The following SYNE2 variants were observed in gnomAD, a reference collection of about 807,000 sequenced individuals.
SYNE2 encodes the protein nesprin-2.
Under a neutral mutation model 856.3 loss-of-function variants are expected in SYNE2, and 431 were observed. That is an observed-to-expected ratio of 0.50 (90% CI 0.47 to 0.55). The LOEUF (loss-of-function observed/expected upper bound fraction) is 0.55. Ranked by LOEUF, SYNE2 falls within the 20% of genes least tolerant of loss-of-function variation. The pLI, the probability that SYNE2 is intolerant of heterozygous loss-of-function variation, is 0.00. For missense variants in SYNE2, 8,129 were observed against 8,023.2 expected, an observed-to-expected ratio of 1.01 and a Z score of -0.50; for synonymous variants, 2,923 against 2,872.3, an observed-to-expected ratio of 1.02 and a Z score of -0.56.
At chr14:64,162,598 C>T in intron 88 of SYNE2, 1 of 395,488 alleles carries the variant, frequency 2.5e-6, no homozygotes, top group Non-Finnish European at 4.8e-6. Context: ...TGAGTGTGAC[C>T]CTGTAAGAAT....
chr14:63,969,218 A>G (rs960125762), intron 11 of SYNE2, among the ~76,000 whole-genome samples: 6 of 143,214 alleles, frequency 4.2e-5, no homozygotes, highest in African/African-American at 1.6e-4. Flanking sequence ...TGCCCAGGCT[A>G]GAGTGCAATG....
Position 64,119,549 on chromosome 14 carries a change from A to T in SYNE2, c.12963A>T (p.Thr4321=), listed in dbSNP as rs1244992749. 6.2e-7 allele frequency: 1 copy of T among 1,614,120 alleles called. No homozygotes were observed. The highest frequency in any genetic ancestry group is 1.3e-5 in the African/African-American group (1 of 74,948). Residue 4321 remains threonine (T), a synonymous_variant, in exon 67 of 116, where the codon ACA becomes ACT. Coordinates refer to ENST00000555002, the MANE Select transcript of SYNE2 (RefSeq NM_182914.3). ...AAGCGCTTTCCCTGAAACTGAAAAC[A>T]GTGAAGTGCAATTTAGAAAAAGTCC... ...EAEALSLKLK[T]VKCNLEKVQM...
Position 64,002,834 on chromosome 14 carries a change from A to G in SYNE2, c.3901A>G (p.Ile1301Val). The change falls in exon 30 of 116, where the codon ATA becomes GTA. Residue 1301 changes from isoleucine to valine, a missense_variant. By Grantham distance (29) the Ile-to-Val change is conservative. Around this residue, in one of 3 missense-constraint regions of SYNE2, gnomAD observed 2,422 missense variants for 2,357.4 expected, o/e 1.03. Coordinates refer to ENST00000555002, the MANE Select transcript of SYNE2 (RefSeq NM_182914.3). ...PFDLHAMQNI[I>V]LKYKTQFEGM... ...TGATCTACACGCAATGCAGAATATT[A>G]TACTGAAATACAAAACACAATTTGA... 6.2e-7 allele frequency: 1 copy of G among 1,614,196 alleles called. No individual in the cohort carries two copies. Among genetic ancestry groups the G allele is most frequent in the Non-Finnish European group, 8.5e-7 (1 of 1,180,032 alleles).
At chr14:63,823,368 G>T (rs1889300667) in intron 1 of SYNE2, among the ~76,000 whole-genome samples, 1 of 151,904 alleles carries the variant, frequency 6.6e-6, no homozygotes, top group African/African-American at 2.4e-5. Flanking sequence ...GTAGAGACGG[G>T]TTTTCATCAT....
At chr14:64,099,719 A>C (rs1237593823) in intron 63 of SYNE2, 1 of 151,690 alleles carries the variant, frequency 6.6e-6, no homozygotes, top group Non-Finnish European at 1.5e-5. Flanking sequence ...AAAAAAGTAC[A>C]TGTTCATCAA....
Position 64,223,191 on chromosome 14 carries a change from A to C in SYNE2, c.20193A>C (p.Gln6731His), listed in dbSNP as rs1567698238. 6.2e-7 allele frequency: 1 copy of C among 1,613,600 alleles called. No homozygotes were observed. The highest frequency in any genetic ancestry group is 1.7e-5 in the Admixed American group (1 of 60,002). Residue 6731 changes from glutamine to histidine, a missense_variant and splice_region_variant, in exon 113 of 116, where the codon CAA (glutamine) becomes CAC (histidine). Gln to His is a conservative substitution (Grantham distance 24). Transcript: ENST00000555002. Reference protein sequence around the residue: ...ALLECRRELMQLEKELVERQP... With the variant: ...ALLECRRELMHLEKELVERQP... The stretch of plus-strand genomic sequence containing the variant: ...TCACACACTTTATCTGTTTTCAGCA[A>C]CTGGAAAAGGAGCTGGTAGAACGTC...
At position 64,137,942 on chromosome 14, in the gene SYNE2, T is replaced by C; in HGVS notation, c.14802T>C (p.His4934=). ...QWLSLNKKID[H]ELHRLQALLK... is the part of the protein sequence containing the mutation. ...TGTCCCTGAACAAGAAAATTGACCA[T>C]GAGCTCCACAGGCTGCAAGCTCTTC... is the stretch of plus-strand genomic sequence containing the variant. The change falls in exon 79 of 116, where the codon CAT becomes CAC. Residue 4934 remains histidine (H), a synonymous_variant. Coordinates refer to ENST00000555002, the MANE Select transcript of SYNE2 (RefSeq NM_182914.3). 1 of 1,614,116 alleles carries C rather than the reference T, an allele frequency of 6.2e-7. No individual in the cohort carries two copies. The highest frequency in any genetic ancestry group is 8.5e-7 in the Non-Finnish European group (1 of 1,180,000).
chr14:63,955,875 A>G (rs952896239), intron 8 of SYNE2, among the ~76,000 whole-genome samples: 18 of 152,260 alleles, frequency 1.2e-4, no homozygotes, highest in African/African-American at 3.9e-4. Flanking sequence ...CTGAAGAAGT[A>G]TAGTTCTGAC....
chr14:63,953,539 G>GATAGATAGATAGATAGATAGATAGAT (rs1566897832), intron 7 of SYNE2, among the ~76,000 whole-genome samples: 9 of 131,242 alleles, frequency 6.9e-5, no homozygotes, highest in African/African-American at 2.7e-4. Context: ...GATAGAGAGA[G>GATAGATAGATAGATAGATAGATAGAT]AGAGAGATAG....
intron 11 of SYNE2, among the ~76,000 whole-genome samples, 196 bp from the exon 12 acceptor site, chr14:63,976,367 T>A (rs969732020): frequency 1.2e-4 from 19 of 152,152 alleles, no homozygotes; most frequent in African/African-American, 4.6e-4. Context: ...CAAATTATAT[T>A]CCTGGTGAGC....
intron 53 of SYNE2, among the ~76,000 whole-genome samples, chr14:64,074,387 T>G (rs1459493970): frequency 6.6e-6 from 1 of 152,204 alleles, no homozygotes; most frequent in Non-Finnish European, 1.5e-5. Context: ...CAGCCTTCTT[T>G]CAACTATGTT....
At chr14:63,916,434 G>A (rs986228749) in intron 2 of SYNE2, among the ~76,000 whole-genome samples, 6 of 151,954 alleles carry the variant, frequency 3.9e-5, no homozygotes, top group Non-Finnish European at 7.4e-5. Flanking sequence ...ATAATCTTTC[G>A]GAGTTCCTCG....
At chr14:64,028,164 CA>C (rs2096996816) in intron 43 of SYNE2, among the ~76,000 whole-genome samples, 1 of 152,074 alleles carries the variant, frequency 6.6e-6, no homozygotes, top group Non-Finnish European at 1.5e-5. Context: ...CTTGGCCTCC[CA>C]AAGTGCTGGG....
At chr14:63,972,972 T>C (rs1228417530) in intron 11 of SYNE2, among the ~76,000 whole-genome samples, 3 of 152,154 alleles carry the variant, frequency 2.0e-5, no homozygotes, top group Admixed American at 6.6e-5. Flanking sequence ...GTCACAAAAA[T>C]GGCTGGGCGC....
Position 63,941,868 on chromosome 14 carries a change from T to C in SYNE2, c.238-17T>C. On this transcript the variant is annotated splice_polypyrimidine_tract_variant and intron_variant, in intron 4 of 115. Transcript: ENST00000555002. ...ATTTCATTTTTTCTGAGTAATATAT[T>C]TGCTTGAATTTCACAGCCTCGGGAT... is the stretch of plus-strand genomic sequence containing the variant. The C allele has an allele frequency of 6.2e-7, 1 of 1,612,984 alleles. No individual in the cohort carries two copies. Among genetic ancestry groups the C allele is most frequent in the Non-Finnish European group, 8.5e-7 (1 of 1,179,332 alleles).
intron 97 of SYNE2, 137 bp downstream of exon 97, chr14:64,186,716 C>T: frequency 9.0e-7 from 1 of 1,115,594 alleles, no homozygotes; most frequent in Non-Finnish European, 1.3e-6. Flanking sequence ...GGCCGCTGCT[C>T]CTTTAGAAGG....
chr14:64,167,399 C>G lies in SYNE2; in HGVS notation c.16760+12C>G, dbSNP rs1269780296. 1.7e-5 allele frequency: 27 copies of G among 1,614,074 alleles called. No individual in the cohort carries two copies. The highest frequency in any genetic ancestry group is 2.2e-5 in the Non-Finnish European group (26 of 1,180,058). ...CTGGAGCGCTGCAGGTTAGAACATC[C>G]CTTCTCTGTCGTTGTTTCAATTAAG... On this transcript the variant is annotated intron_variant, in intron 91 of 115. Transcript: ENST00000555002.
At chr14:63,815,107 CATATATCCATATATATCCACAT>C (rs1888877741) in intron 1 of SYNE2, among the ~76,000 whole-genome samples, 11 of 108,654 alleles carry the variant, frequency 1.0e-4, no homozygotes, top group Non-Finnish European at 1.5e-4. Flanking sequence ...TATATCCACA[CATATATCCATATATATCCACAT>C]ATATATCCAT....
Position 63,946,550 on chromosome 14 carries a change from T to A in SYNE2, c.409-3275T>A, listed in dbSNP as rs1406268832. On this transcript the variant is annotated intron_variant, in intron 6 of 115. Transcript: ENST00000555002. ...TCTCCAGTATATACATTATATATAT[T>A]TATATATATTCTACAAAGAACTTTT... is the stretch of plus-strand genomic sequence containing the variant. 2.0e-5 allele frequency among the ~76,000 whole-genome samples: 3 copies of A among 148,048 alleles called. No homozygotes were observed. In the Admixed American group the frequency reaches 2.0e-4, roughly 10 times the overall value.
Sources: allele counts gnomAD v4.1 joint callset (sites outside exome capture counted in the v4.1 genomes callset), GRCh38; gene constraint gnomAD v4.1.1; regional missense constraint gnomAD v4.1.1; transcripts MANE v1.5; gene names NCBI Gene and HGNC (gene_info 2026-07-23, HGNC 2026-07-21).